The following TXNRD2 variants were observed in gnomAD, a reference collection of about 807,000 sequenced individuals.
TXNRD2 encodes the protein thioredoxin reductase 2, mitochondrial.
TXNRD2 carries 67 observed loss-of-function variants against 70.8 expected under a neutral mutation model. The ratio of observed to expected loss-of-function variants is 0.95; its 90% CI spans 0.78 to 1.16. TXNRD2 has a LOEUF of 1.16. TXNRD2 is among the 50% of genes most tolerant of loss of function. TXNRD2 has a pLI of 0.00. For synonymous variants in TXNRD2, 301 were observed against 295.8 expected (o/e 1.02, Z -0.18); for missense variants, 644 against 719.9 (o/e 0.89, Z 1.21).
chr22:19,881,505 T>G (rs1353762929), intron 12 of TXNRD2: 1 of 165,828 alleles, frequency 6.0e-6, no homozygotes, highest in Non-Finnish European at 1.3e-5. Flanking sequence ...GTTAACTCTT[T>G]GGACTATTCA....
At chr22:19,926,810 G>T (rs759678391) in intron 2 of TXNRD2, among the ~76,000 whole-genome samples, 5 of 152,164 alleles carry the variant, frequency 3.3e-5, no homozygotes, top group African/African-American at 4.8e-5. Flanking sequence ...CCAAAAAACA[G>T]CTGAAATGTC....
rs997141819 is a variant in TXNRD2, at chr22:19,932,494, G to A, written c.104-1396C>T. The A allele has an allele frequency of 6.3e-6, 10 of 1,593,230 alleles. No individual in the cohort carries two copies. In the Admixed American group the frequency reaches 8.4e-5, roughly 13 times the overall value. ...GGCAGCCAAAAAAGGGAGGGATGGA[G>A]AAGGGACTGGAGGGAGGAAGTAGAG... is the stretch of plus-strand genomic sequence containing the variant. On this transcript the variant is annotated intron_variant, in intron 1 of 17. Transcript: ENST00000400521.
chr22:19,883,302 T>C (rs368082417), intron 12 of TXNRD2, 23 bp downstream of exon 12: 2 of 1,610,024 alleles, frequency 1.2e-6, no homozygotes, highest in Non-Finnish European at 1.7e-6. Context: ...GCAGGGGCCC[T>C]GGTCCCGGGA....
At chr22:19,926,110 C>A (rs1185757403) in intron 2 of TXNRD2, among the ~76,000 whole-genome samples, 4 of 150,490 alleles carry the variant, frequency 2.7e-5, no homozygotes, top group Non-Finnish European at 5.9e-5. Context: ...TTGCGGTGAG[C>A]CGAGATTGTG....
chr22:19,891,088 G>A (rs1405765761), intron 11 of TXNRD2, among the ~76,000 whole-genome samples: 2 of 152,236 alleles, frequency 1.3e-5, no homozygotes, highest in Admixed American at 6.5e-5. Flanking sequence ...TGCATGTTGT[G>A]TTTCAGGCTC....
chr22:19,941,664 G>T, intron 1 of TXNRD2, 37 bp downstream of exon 1: 1 of 1,440,474 alleles, frequency 6.9e-7, no homozygotes. Context: ...CCGGCCGCGC[G>T]GACACCTACC....
intron 6 of TXNRD2, 56 bp downstream of exon 6, chr22:19,915,709 G>T: frequency 6.6e-7 from 1 of 1,526,644 alleles, no homozygotes; most frequent in Non-Finnish European, 9.1e-7. Flanking sequence ...TGCAGTTGGT[G>T]CCCAAGGTCT....
intron 11 of TXNRD2, among the ~76,000 whole-genome samples, chr22:19,889,471 C>T (rs1418124393): frequency 1.3e-5 from 2 of 152,016 alleles, no homozygotes; most frequent in South Asian, 2.1e-4. Flanking sequence ...ATTAGCTGGG[C>T]GCGGTGGCGG....
Position 19,881,176 on chromosome 22 carries a change from C to A in TXNRD2, c.1087-459G>T, listed in dbSNP as rs1044214796. The A allele has an allele frequency of 5.3e-4, 219 of 410,462 alleles. 2 individuals are homozygous for A. Among genetic ancestry groups the A allele is most frequent in the Non-Finnish European group, 1.5e-4 (36 of 232,836 alleles). 25.4% of individuals were successfully genotyped at this position (410,462 alleles called of 1,614,324 possible). On this transcript the variant is annotated intron_variant, in intron 12 of 17. Transcript: ENST00000400521. ...TTGATCTGCACGTCACAGTCCATAA[C>A]AAATTCCAAATCAGAATGTCGCTGT...
intron 10 of TXNRD2, 21 bp from the exon 11 acceptor site, chr22:19,895,602 G>A: frequency 6.2e-7 from 1 of 1,607,062 alleles, no homozygotes. Flanking sequence ...CAAGAAGACA[G>A]GCCATGAAGA....
At chr22:19,914,608 G>A (rs1435751122) in intron 7 of TXNRD2, among the ~76,000 whole-genome samples, 1 of 152,156 alleles carries the variant, frequency 6.6e-6, no homozygotes, top group Non-Finnish European at 1.5e-5. Flanking sequence ...CATTCATAGA[G>A]ACAGAAAGTA....
chr22:19,930,164 C>T (rs1941304606), intron 2 of TXNRD2, among the ~76,000 whole-genome samples: 1 of 152,204 alleles, frequency 6.6e-6, no homozygotes, highest in Admixed American at 6.5e-5. Context: ...TTCCTACACA[C>T]TCCCCGGCCC....
chr22:19,919,405 G>T, intron 3 of TXNRD2, 138 bp downstream of exon 3: 1 of 786,822 alleles, frequency 1.3e-6, no homozygotes. Context: ...AAGTAATGAT[G>T]AGTGAAACAG....
chr22:19,895,393 C>G lies in TXNRD2; in HGVS notation c.949+14G>C. The G allele has an allele frequency of 6.2e-7, 1 of 1,613,748 alleles. No individual in the cohort carries two copies. The highest frequency in any genetic ancestry group is 8.5e-7 in the Non-Finnish European group (1 of 1,179,888). On this transcript the variant is annotated intron_variant, in intron 11 of 17. Transcript: ENST00000400521. ...GAGACCAGAGACAGAGCGTGTGGCTCGACGTGCCCTTACCTATGGCCCACA... is the reference window on the plus strand; with the variant it reads ...GAGACCAGAGACAGAGCGTGTGGCTGGACGTGCCCTTACCTATGGCCCACA...
At chr22:19,896,048 A>T (rs1939491415) in intron 10 of TXNRD2, among the ~76,000 whole-genome samples, 1 of 151,910 alleles carries the variant, frequency 6.6e-6, no homozygotes, top group Admixed American at 6.6e-5. Flanking sequence ...CTGTGATCCC[A>T]GCACTTTGAG....
chr22:19,889,000 A>G (rs1281914212), intron 11 of TXNRD2, among the ~76,000 whole-genome samples: 1 of 151,364 alleles, frequency 6.6e-6, no homozygotes, highest in Non-Finnish European at 1.5e-5. Context: ...GGTCCCATCG[A>G]GACGCCATGT....
chr22:19,882,955 GA>G (rs976401551), intron 12 of TXNRD2, among the ~76,000 whole-genome samples: 34 of 152,258 alleles, frequency 2.2e-4, no homozygotes, highest in Admixed American at 7.2e-4. Flanking sequence ...ACCCTGTGGG[GA>G]CAGGACGGCC....
At position 19,888,142 on chromosome 22, in the gene TXNRD2, C is replaced by T. The variant is rs552360144; in HGVS notation, c.950-4681G>A. On this transcript the variant is annotated intron_variant, in intron 11 of 17. Transcript: ENST00000400521. ...CATCTCTGCAGCCCGGAGCTGCCTCCAGCCCCAGGCCCAGCAGTGCAGCAC... is the reference window on the plus strand; with the variant it reads ...CATCTCTGCAGCCCGGAGCTGCCTCTAGCCCCAGGCCCAGCAGTGCAGCAC... Among the ~76,000 whole-genome samples, 37 of 152,352 alleles carry T rather than the reference C, an allele frequency of 2.4e-4. 1 individual carries two copies. Among genetic ancestry groups the T allele is most frequent in the African/African-American group, 8.7e-4 (36 of 41,584 alleles).
chr22:19,940,831 G>A (rs45521239), intron 1 of TXNRD2, among the ~76,000 whole-genome samples: 1,557 of 152,144 alleles, frequency 0.01, 15 homozygotes, highest in African/African-American at 0.035. Flanking sequence ...ACTCTGTTGG[G>A]CCACCCTCCG....
Sources: gnomAD v4.1 joint callset for allele counts (sites outside exome capture counted in the v4.1 genomes callset) on GRCh38, gnomAD v4.1.1 for gene constraint, MANE v1.5 for transcripts, NCBI Gene and HGNC (gene_info 2026-07-23, HGNC 2026-07-21) for gene names.